Variants in SYN3 observed in about 807,000 individuals in gnomAD.
SYN3 encodes the protein synapsin III.
In SYN3, 35 loss-of-function variants were observed where a neutral mutation model predicts 65.8. The observed-to-expected ratio is 0.53, with a 90% CI of 0.41 to 0.70. The LOEUF is 0.70. SYN3 is among the 30% of genes least tolerant of loss of function. SYN3 has a pLI of 0.00. For synonymous variants in SYN3, 270 were observed against 292.9 expected (o/e 0.92, Z 0.80); for missense variants, 680 against 749.0 (o/e 0.91, Z 1.08).
chr22:32,990,289 AATCCATCCATGAATCC>A lies in SYN3; in HGVS notation c.312-9603_312-9588del, dbSNP rs1358729207. On this transcript the variant is annotated intron_variant, in intron 2 of 13. Coordinates refer to ENST00000358763, the MANE Select transcript of SYN3 (RefSeq NM_003490.4). ...CTACCCATCCATGAATCCATCCATG[AATCCATCCATGAATCC>A]ATCCATCCATCCATCCATCCATCCA... 2.8e-3 allele frequency among the ~76,000 whole-genome samples: 389 copies of A among 139,966 alleles called. 3 individuals carry two copies. Among genetic ancestry groups the A allele is most frequent in the African/African-American group, 0.012 (377 of 31,216 alleles). 91.8% of individuals were successfully genotyped at this position (139,966 alleles called of 152,430 possible).
chr22:32,853,193 C>T (rs945914626), intron 6 of SYN3, among the ~76,000 whole-genome samples: 2 of 152,202 alleles, frequency 1.3e-5, no homozygotes, highest in Non-Finnish European at 2.9e-5. Context: ...TTGCAATGCC[C>T]GTGGTTCTTC....
intron 7 of SYN3, among the ~76,000 whole-genome samples, chr22:32,550,337 G>A (rs1454055635): frequency 6.9e-6 from 1 of 145,302 alleles, no homozygotes; most frequent in Non-Finnish European, 1.5e-5. Flanking sequence ...GCACATGGTA[G>A]ATGTTCTATA....
chr22:33,048,147 C>T (rs2054100130), intron 1 of SYN3, among the ~76,000 whole-genome samples: 1 of 152,176 alleles, frequency 6.6e-6, no homozygotes, highest in Admixed American at 6.5e-5. Flanking sequence ...ATGGACCAGT[C>T]TGCTGAAGCA....
At chr22:32,592,122 A>C (rs2059135918) in intron 7 of SYN3, among the ~76,000 whole-genome samples, 1 of 152,210 alleles carries the variant, frequency 6.6e-6, no homozygotes, top group Non-Finnish European at 1.5e-5. Context: ...GGGTCTTGGA[A>C]TGTATCCCCA....
In SYN3 at chr22:32,666,483, T is replaced by G. The variant is rs377657174; in HGVS notation, c.712-69747A>C. On this transcript the variant is annotated intron_variant, in intron 6 of 13. Coordinates refer to ENST00000358763, the MANE Select transcript of SYN3 (RefSeq NM_003490.4). ...GCTCTTTCTCCAACTCACTGAGGAC[T>G]CTCCCACCTCAGGCCCTTCGTCCTT... is the stretch of plus-strand genomic sequence containing the variant. Among the ~76,000 whole-genome samples, 412 of 152,272 alleles carry G rather than the reference T, an allele frequency of 2.7e-3. 1 individual carries two copies. Among genetic ancestry groups the G allele is most frequent in the African/African-American group, 9.2e-3 (381 of 41,554 alleles).
At chr22:32,867,384 G>A (rs894267158) in intron 5 of SYN3, among the ~76,000 whole-genome samples, 1 of 152,198 alleles carries the variant, frequency 6.6e-6, no homozygotes, top group Non-Finnish European at 1.5e-5. Flanking sequence ...TTTGTTCACT[G>A]CTATGTTTCT....
intron 1 of SYN3, among the ~76,000 whole-genome samples, chr22:33,042,889 T>G (rs1364933634): frequency 6.6e-6 from 1 of 152,202 alleles, no homozygotes; most frequent in East Asian, 1.9e-4. Context: ...AAAGGATCCC[T>G]GAGCTGCAGG....
At chr22:33,011,161 G>A (rs1230547549) in intron 1 of SYN3, among the ~76,000 whole-genome samples, 1 of 152,108 alleles carries the variant, frequency 6.6e-6, no homozygotes, top group African/African-American at 2.4e-5. Context: ...CGAATCTTAG[G>A]GGGGAAACAC....
chr22:33,055,340 G>A (rs947777585), intron 1 of SYN3, among the ~76,000 whole-genome samples: 1 of 152,108 alleles, frequency 6.6e-6, no homozygotes, highest in Non-Finnish European at 1.5e-5. Context: ...CCCACTATGC[G>A]CTCCAACCAC....
At chr22:33,032,209 TTA>T (rs2053766981) in intron 1 of SYN3, among the ~76,000 whole-genome samples, 1 of 136,082 alleles carries the variant, frequency 7.3e-6, no homozygotes. Flanking sequence ...GGCTCTGTCT[TTA>T]AAAAAAAAAA....
intron 6 of SYN3, among the ~76,000 whole-genome samples, chr22:32,738,907 C>T (rs1170764321): frequency 6.6e-6 from 1 of 152,222 alleles, no homozygotes; most frequent in Non-Finnish European, 1.5e-5. Flanking sequence ...ATCCTGCATT[C>T]AGGTAGGAGC....
chr22:32,590,161 G>A (rs773999173), intron 7 of SYN3, among the ~76,000 whole-genome samples: 4 of 152,084 alleles, frequency 2.6e-5, no homozygotes, highest in Admixed American at 6.5e-5. Flanking sequence ...CGTCCTCTCC[G>A]AAGATAACTT....
intron 7 of SYN3, among the ~76,000 whole-genome samples, chr22:32,580,086 G>T (rs991236483): frequency 3.3e-5 from 5 of 152,248 alleles, no homozygotes; most frequent in African/African-American, 9.6e-5. Flanking sequence ...GCGGGGAGGG[G>T]AGCTGAGGTC....
chr22:32,562,760 G>T (rs1005472433), intron 7 of SYN3, among the ~76,000 whole-genome samples: 1 of 152,246 alleles, frequency 6.6e-6, no homozygotes, highest in Non-Finnish European at 1.5e-5. Flanking sequence ...CCTAAGCCCT[G>T]CTTATTATTT....
rs114440802 is a variant in SYN3 at position 32,880,402 on chromosome 22, G to C, written c.462-11277C>G. On this transcript the variant is annotated intron_variant, in intron 4 of 13. Coordinates refer to ENST00000358763, the MANE Select transcript of SYN3 (RefSeq NM_003490.4). ...GAAGCCAAGGAGGGATATTGTCTTAGAGAAGCTCTGGCCTTGGCCTGGTCT... is the reference window on the plus strand; with the variant it reads ...GAAGCCAAGGAGGGATATTGTCTTACAGAAGCTCTGGCCTTGGCCTGGTCT... Among the ~76,000 whole-genome samples the C allele has an allele frequency of 5.5e-3, 831 of 152,322 alleles. 6 individuals carry two copies. Among genetic ancestry groups the C allele is most frequent in the African/African-American group, 0.019 (783 of 41,578 alleles).
At chr22:32,759,472 G>A (rs527240852) in intron 6 of SYN3, among the ~76,000 whole-genome samples, 1 of 152,250 alleles carries the variant, frequency 6.6e-6, no homozygotes, top group Non-Finnish European at 1.5e-5. Flanking sequence ...GCTAACAGAA[G>A]AGTGTTTTCA....
chr22:32,530,537 G>C (rs1026841367), intron 10 of SYN3, among the ~76,000 whole-genome samples: 6 of 151,324 alleles, frequency 4.0e-5, no homozygotes, highest in African/African-American at 1.5e-4. Context: ...CTGTGTATTT[G>C]CTCTGTGATC....
intron 6 of SYN3, among the ~76,000 whole-genome samples, chr22:32,658,776 A>C (rs2146989581): frequency 6.6e-6 from 1 of 152,286 alleles, no homozygotes; most frequent in Non-Finnish European, 1.5e-5. Context: ...GAGCTTGAAG[A>C]ATGAGCTGTT....
intron 4 of SYN3, among the ~76,000 whole-genome samples, chr22:32,928,100 G>C (rs1344655957): frequency 6.6e-6 from 1 of 152,222 alleles, no homozygotes; most frequent in Non-Finnish European, 1.5e-5. Flanking sequence ...GGAGGCCAAA[G>C]TGGGAGGATC....
Sources: allele counts gnomAD v4.1 joint callset (sites outside exome capture counted in the v4.1 genomes callset), GRCh38; gene constraint gnomAD v4.1.1; transcripts MANE v1.5; gene names NCBI Gene and HGNC (gene_info 2026-07-23, HGNC 2026-07-21).